PTPRD: variants seen among roughly 807,000 people sequenced by gnomAD.
The protein encoded by PTPRD is receptor-type tyrosine-protein phosphatase delta.
PTPRD carries 34 observed loss-of-function variants against 214.5 expected under a neutral mutation model. That is an observed-to-expected ratio of 0.16 (90% confidence interval 0.12 to 0.21). The LOEUF is 0.21. Ranked by LOEUF, PTPRD falls within the 10% of genes least tolerant of loss-of-function variation. The pLI is 1.00. For missense variants in PTPRD, 2,545 were observed against 2,398.7 expected, an observed-to-expected ratio of 1.06 and a Z score of -1.27; for synonymous variants, 1,128 against 845.7, an observed-to-expected ratio of 1.33 and a Z score of -5.79.
At chr9:9,859,287 A>C (rs2062186871) in intron 5 of PTPRD, among the ~76,000 whole-genome samples, 1 of 152,194 alleles carries the variant, frequency 6.6e-6, no homozygotes, top group Non-Finnish European at 1.5e-5. Flanking sequence ...AAGTATCTTT[A>C]TAGTAGTGTG....
chr9:10,495,358 T>C (rs1354354851), intron 2 of PTPRD, among the ~76,000 whole-genome samples: 1 of 151,862 alleles, frequency 6.6e-6, no homozygotes, highest in Non-Finnish European at 1.5e-5. Flanking sequence ...TCCACTTCAC[T>C]CAAATCCTGA....
chr9:9,687,028 T>C (rs1043168018), intron 7 of PTPRD, among the ~76,000 whole-genome samples: 5 of 151,828 alleles, frequency 3.3e-5, no homozygotes. Context: ...TTGTGCATTA[T>C]TAATTTCTCT....
intron 4 of PTPRD, among the ~76,000 whole-genome samples, chr9:10,012,674 T>G (rs987170471): frequency 6.6e-6 from 1 of 151,916 alleles, no homozygotes; most frequent in Non-Finnish European, 1.5e-5. Context: ...TTCCTCAGTG[T>G]AAGGTTTTAC....
At chr9:8,513,598 A>G (rs2097724821) in intron 21 of PTPRD, among the ~76,000 whole-genome samples, 1 of 152,096 alleles carries the variant, frequency 6.6e-6, no homozygotes, top group Non-Finnish European at 1.5e-5. Flanking sequence ...AAATTTTTAT[A>G]GGGTTAGAGG....
chr9:8,415,960 C>G (rs2093903993), intron 35 of PTPRD, among the ~76,000 whole-genome samples: 1 of 152,130 alleles, frequency 6.6e-6, no homozygotes, highest in Non-Finnish European at 1.5e-5. Context: ...GTCTTGGGAT[C>G]ACTTTGCCTT....
chr9:10,174,912 T>C (rs1391638998), intron 3 of PTPRD, among the ~76,000 whole-genome samples: 1 of 152,126 alleles, frequency 6.6e-6, no homozygotes, highest in African/African-American at 2.4e-5. Context: ...AAATCCTTAA[T>C]GGTAATCAGT....
intron 9 of PTPRD, among the ~76,000 whole-genome samples, chr9:9,311,244 G>A (rs767684247): frequency 1.3e-5 from 2 of 152,070 alleles, no homozygotes; most frequent in Admixed American, 6.6e-5. Flanking sequence ...GATTACATAA[G>A]AGGTTACAAA....
intron 25 of PTPRD, among the ~76,000 whole-genome samples, chr9:8,499,442 CTT>C (rs1323054135): frequency 6.6e-6 from 1 of 152,120 alleles, no homozygotes; most frequent in African/African-American, 2.4e-5. Flanking sequence ...TTTAATCAGA[CTT>C]GAGTGTCATT....
At chr9:9,708,367 C>T (rs951257823) in intron 7 of PTPRD, among the ~76,000 whole-genome samples, 5 of 152,006 alleles carry the variant, frequency 3.3e-5, no homozygotes, top group Admixed American at 6.6e-5. Context: ...AGAGAAGAAA[C>T]CCAAATGAGA....
intron 36 of PTPRD, among the ~76,000 whole-genome samples, chr9:8,392,906 C>G (rs1374463278): frequency 2.6e-5 from 4 of 152,076 alleles, no homozygotes; most frequent in Non-Finnish European, 4.4e-5. Flanking sequence ...GTGGTGTGTC[C>G]TAAAAATATT....
intron 3 of PTPRD, among the ~76,000 whole-genome samples, chr9:10,138,389 TAATA>T (rs2098957619): frequency 6.6e-6 from 1 of 151,872 alleles, no homozygotes. Flanking sequence ...ATTAAATCAG[TAATA>T]AATACTCTAG....
At chr9:9,048,259 T>C (rs1227439376) in intron 10 of PTPRD, among the ~76,000 whole-genome samples, 1 of 152,088 alleles carries the variant, frequency 6.6e-6, no homozygotes, top group Non-Finnish European at 1.5e-5. Context: ...CTCAAAAAAC[T>C]AAAAATAGAG....
chr9:9,533,245 T>A (rs915418116), intron 8 of PTPRD, among the ~76,000 whole-genome samples: 2 of 152,110 alleles, frequency 1.3e-5, no homozygotes, highest in African/African-American at 4.8e-5. Context: ...AAATGATTAT[T>A]GGTGAGTGAA....
chr9:9,028,994 T>C (rs2099596121), intron 10 of PTPRD, among the ~76,000 whole-genome samples: 1 of 151,974 alleles, frequency 6.6e-6, no homozygotes, highest in South Asian at 2.1e-4. Flanking sequence ...TAGTCACATA[T>C]GGCTACAGAG....
At chr9:10,085,068 C>T (rs2098311600) in intron 3 of PTPRD, among the ~76,000 whole-genome samples, 1 of 151,812 alleles carries the variant, frequency 6.6e-6, no homozygotes. Flanking sequence ...TGGGCTGGTA[C>T]ATGAACATTC....
At chr9:9,626,274 A>G (rs1231283674) in intron 7 of PTPRD, among the ~76,000 whole-genome samples, 2 of 152,172 alleles carry the variant, frequency 1.3e-5, no homozygotes, top group African/African-American at 4.8e-5. Context: ...TAGTGTGAGT[A>G]GGGTGCTAGT....
At chr9:10,478,468 C>T (rs1410826385) in intron 2 of PTPRD, among the ~76,000 whole-genome samples, 1 of 152,026 alleles carries the variant, frequency 6.6e-6, no homozygotes, top group Non-Finnish European at 1.5e-5. Context: ...TTCATATCAC[C>T]CCTTTAATTA....
chr9:10,133,887 G>C (rs1442213603), intron 3 of PTPRD, among the ~76,000 whole-genome samples: 1 of 152,132 alleles, frequency 6.6e-6, no homozygotes, highest in Non-Finnish European at 1.5e-5. Context: ...GTAAAATGTG[G>C]TGAGTTTAAC....
intron 3 of PTPRD, among the ~76,000 whole-genome samples, chr9:10,165,930 CAT>C (rs536690506): frequency 2.4e-3 from 362 of 150,498 alleles, no homozygotes; most frequent in Non-Finnish European, 3.9e-3. Context: ...TCTATGCAGA[CAT>C]AATCTATGTT....
Sources: gnomAD v4.1 joint callset for allele counts (sites outside exome capture counted in the v4.1 genomes callset) on GRCh38, gnomAD v4.1.1 for gene constraint, MANE v1.5 for transcripts, NCBI Gene and HGNC (gene_info 2026-07-23, HGNC 2026-07-21) for gene names.